DLG2: variants seen among roughly 807,000 people sequenced by gnomAD.
DLG2 encodes the protein disks large homolog 2.
In DLG2, 45 loss-of-function variants were observed where a neutral mutation model predicts 132.5. The ratio of observed to expected loss-of-function variants is 0.34; its 90% confidence interval spans 0.27 to 0.44. The LOEUF (loss-of-function observed/expected upper bound fraction) is 0.44. Among genes scored for constraint, DLG2 ranks in the 20% least tolerant of loss-of-function variants. DLG2 has a pLI of 1.00. For synonymous variants in DLG2, 424 were observed against 419.6 expected (o/e 1.01, Z -0.13); for missense variants, 1,045 against 1,196.9 (o/e 0.87, Z 1.87).
intron 7 of DLG2, among the ~76,000 whole-genome samples, chr11:84,499,279 A>G (rs1363067621): frequency 1.3e-5 from 2 of 152,204 alleles, no homozygotes; most frequent in Non-Finnish European, 2.9e-5. Context: ...ATTAGATGAG[A>G]TATTAAGTGC....
At chr11:85,440,701 G>C (rs2091733950) in intron 3 of DLG2, among the ~76,000 whole-genome samples, 1 of 152,110 alleles carries the variant, frequency 6.6e-6, no homozygotes, top group Non-Finnish European at 1.5e-5. Context: ...AAATAAATTA[G>C]GTAAACACAA....
At chr11:83,488,885 CAAGTG>C (rs2093678811) in intron 21 of DLG2, among the ~76,000 whole-genome samples, 1 of 151,786 alleles carries the variant, frequency 6.6e-6, no homozygotes, top group South Asian at 2.1e-4. Context: ...ACTTTGAAAA[CAAGTG>C]AGGTAAAAGA....
intron 6 of DLG2, among the ~76,000 whole-genome samples, chr11:84,873,379 G>A (rs1251331897): frequency 6.6e-6 from 1 of 152,196 alleles, no homozygotes; most frequent in East Asian, 1.9e-4. Context: ...ACACAGCCCT[G>A]CTGGCACCTT....
At chr11:85,152,677 A>G (rs2077334980) in intron 5 of DLG2, among the ~76,000 whole-genome samples, 1 of 152,244 alleles carries the variant, frequency 6.6e-6, no homozygotes, top group African/African-American at 2.4e-5. Flanking sequence ...TGACTTGCCC[A>G]AGAACATTCA....
At chr11:83,500,902 C>A (rs2094424413) in intron 21 of DLG2, among the ~76,000 whole-genome samples, 1 of 152,044 alleles carries the variant, frequency 6.6e-6, no homozygotes, top group African/African-American at 2.4e-5. Context: ...AGGAAATTGC[C>A]AGCTTTGTGA....
intron 21 of DLG2, among the ~76,000 whole-genome samples, chr11:83,488,113 C>G (rs1028079112): frequency 3.3e-5 from 5 of 151,908 alleles, no homozygotes; most frequent in African/African-American, 1.2e-4. Flanking sequence ...AAAAAAGGAC[C>G]CTCTCCCCAA....
chr11:83,834,525 A>G (rs927349542), intron 16 of DLG2, among the ~76,000 whole-genome samples: 10 of 152,180 alleles, frequency 6.6e-5, no homozygotes, highest in African/African-American at 2.4e-4. Flanking sequence ...CTAAGTAACT[A>G]GCAAAAGGAG....
chr11:84,609,249 T>G (rs2099591115), intron 6 of DLG2, among the ~76,000 whole-genome samples: 1 of 152,142 alleles, frequency 6.6e-6, no homozygotes, highest in Admixed American at 6.5e-5. Context: ...GTGCTTCGGT[T>G]TTCTTATCTA....
intron 6 of DLG2, among the ~76,000 whole-genome samples, chr11:84,861,708 T>C (rs2083723404): frequency 7.1e-6 from 1 of 141,018 alleles, no homozygotes. Flanking sequence ...AATCAATCCA[T>C]CTGACAAAGG....
chr11:85,205,146 G>GTATATATA (rs376041155), intron 4 of DLG2, among the ~76,000 whole-genome samples: 442 of 141,620 alleles, frequency 3.1e-3, no homozygotes, highest in Admixed American at 5.3e-3. Flanking sequence ...ATATGTGTGT[G>GTATATATA]TATATATATA....
intron 11 of DLG2, among the ~76,000 whole-genome samples, chr11:84,026,575 G>T (rs17146592): frequency 1.3e-5 from 2 of 150,376 alleles, no homozygotes; most frequent in African/African-American, 4.8e-5. Context: ...GACACATAAT[G>T]TTCTGTTTAA....
intron 6 of DLG2, among the ~76,000 whole-genome samples, chr11:84,719,156 C>T (rs1221446584): frequency 6.6e-6 from 1 of 152,110 alleles, no homozygotes; most frequent in Non-Finnish European, 1.5e-5. Context: ...CCAATTTTTC[C>T]GTTAAGCTTA....
At position 84,971,668 on chromosome 11, in the gene DLG2, G is replaced by A. The variant is rs535753441; in HGVS notation, c.357+139993C>T. 1.3e-4 allele frequency among the ~76,000 whole-genome samples: 20 copies of A among 151,918 alleles called. No individual in the cohort carries two copies. In the South Asian group the frequency reaches 2.5e-3, roughly 19 times the overall value. ...ACTCCTGGATAACTTTTTTTTCAAT[G>A]TGCTAATTAGTTTAAAAGGGTAATT... On this transcript the variant is annotated intron_variant, in intron 6 of 27. Transcript: ENST00000376104.
intron 6 of DLG2, among the ~76,000 whole-genome samples, chr11:85,025,603 A>G (rs909364027): frequency 2.6e-5 from 4 of 152,096 alleles, no homozygotes; most frequent in Non-Finnish European, 5.9e-5. Context: ...TTTAATATAT[A>G]CAGTTAATGA....
chr11:84,030,816 A>G (rs1042196852), intron 11 of DLG2, among the ~76,000 whole-genome samples: 5 of 152,160 alleles, frequency 3.3e-5, no homozygotes, highest in Admixed American at 6.5e-5. Context: ...AACAGGGAAA[A>G]TGTATGTTTC....
intron 15 of DLG2, among the ~76,000 whole-genome samples, chr11:83,922,685 CAG>C (rs2154122680): frequency 6.6e-6 from 1 of 152,120 alleles, no homozygotes; most frequent in East Asian, 1.9e-4. Flanking sequence ...AAGTGGGGAA[CAG>C]AGTGAGAAGC....
At chr11:85,143,916 A>G (rs1003022090) in intron 5 of DLG2, among the ~76,000 whole-genome samples, 2 of 151,924 alleles carry the variant, frequency 1.3e-5, no homozygotes, top group Admixed American at 6.6e-5. Flanking sequence ...TTTGGATAAA[A>G]TGTTCTATAA....
chr11:83,985,012 G>A (rs1210767112), intron 11 of DLG2, among the ~76,000 whole-genome samples: 1 of 152,120 alleles, frequency 6.6e-6, no homozygotes, highest in Non-Finnish European at 1.5e-5. Context: ...ATATGAGTGA[G>A]TGTAGTTGAA....
chr11:83,547,854 T>C (rs2096279000), intron 19 of DLG2, among the ~76,000 whole-genome samples: 1 of 152,128 alleles, frequency 6.6e-6, no homozygotes, highest in Admixed American at 6.6e-5. Context: ...ATGTAACAAA[T>C]ACCTAAAAGT....
Sources: allele counts gnomAD v4.1 joint callset (sites outside exome capture counted in the v4.1 genomes callset), GRCh38; gene constraint gnomAD v4.1.1; transcripts MANE v1.5; gene names NCBI Gene and HGNC (gene_info 2026-07-23, HGNC 2026-07-21).